Variants in PLD5 observed in about 807,000 individuals in gnomAD.
PLD5 encodes the protein phospholipase D family member 5.
PLD5 carries 36 observed loss-of-function variants against 61.1 expected under a neutral mutation model. The ratio of observed to expected loss-of-function variants is 0.59; its 90% CI spans 0.45 to 0.78. The LOEUF is 0.78. PLD5 is among the 30% of genes least tolerant of loss of function. The pLI, the probability that PLD5 is intolerant of heterozygous loss-of-function variation, is 0.00. For synonymous variants in PLD5, 243 were observed against 242.8 expected (o/e 1.00, Z -0.01); for missense variants, 515 against 644.4 (o/e 0.80, Z 2.17).
chr1:242,327,285 G>A (rs1177302331), intron 2 of PLD5, among the ~76,000 whole-genome samples: 1 of 152,114 alleles, frequency 6.6e-6, no homozygotes, highest in Admixed American at 6.5e-5. Context: ...GGGCTTGCAG[G>A]CATGAGCCAC....
chr1:242,312,409 GCTT>G (rs1334427162), intron 2 of PLD5, among the ~76,000 whole-genome samples: 2 of 151,920 alleles, frequency 1.3e-5, no homozygotes, highest in Admixed American at 6.6e-5. Context: ...CTGTGTGCAC[GCTT>G]TTTTCTGATT....
At chr1:242,255,557 C>T (rs568187823) in intron 4 of PLD5, among the ~76,000 whole-genome samples, 2 of 152,164 alleles carry the variant, frequency 1.3e-5, no homozygotes, top group African/African-American at 4.8e-5. Context: ...TGTAAATAAC[C>T]TGCACGTTGT....
At chr1:242,463,686 C>G (rs1036701793) in intron 1 of PLD5, among the ~76,000 whole-genome samples, 1 of 152,052 alleles carries the variant, frequency 6.6e-6, no homozygotes, top group Non-Finnish European at 1.5e-5. Context: ...ACACTCCCAT[C>G]TCAAGGCAGT....
At chr1:242,091,836 T>C (rs1054051091) in intron 9 of PLD5, among the ~76,000 whole-genome samples, 10 of 150,462 alleles carry the variant, frequency 6.6e-5, no homozygotes, top group Non-Finnish European at 1.5e-4. Flanking sequence ...TTTTTTCTTT[T>C]TTTTTTTTTT....
chr1:242,180,985 A>AAAGC (rs1553317470), intron 5 of PLD5, among the ~76,000 whole-genome samples: 72 of 152,074 alleles, frequency 4.7e-4, no homozygotes, highest in African/African-American at 1.5e-3. Context: ...TAGGTCTCAA[A>AAAGC]AAACAAACAA....
intron 5 of PLD5, among the ~76,000 whole-genome samples, chr1:242,215,816 A>T (rs531480902): frequency 5.7e-4 from 87 of 152,350 alleles, no homozygotes; most frequent in African/African-American, 2.0e-3. Flanking sequence ...CCTGCTCTGG[A>T]CACAGACACC....
chr1:242,509,880 G>T (rs889657327), intron 1 of PLD5, among the ~76,000 whole-genome samples: 1 of 152,048 alleles, frequency 6.6e-6, no homozygotes. Context: ...TGGAGAAAAA[G>T]CATCTTGAAA....
rs1675150910 is a variant in PLD5 at position 242,288,343 on chromosome 1, C to T, written c.495+19G>A. The T allele has an allele frequency of 7.5e-6, 12 of 1,605,554 alleles. No individual in the cohort carries two copies. Among genetic ancestry groups the T allele is most frequent in the Non-Finnish European group, 9.3e-6 (11 of 1,178,074 alleles). On this transcript the variant is annotated intron_variant, in intron 3 of 9. Coordinates refer to ENST00000536534, the MANE Select transcript of PLD5 (RefSeq NM_001372062.1). ...TGCACATAAGTAAAATCATCACACA[C>T]ACAGAGGATGTAGCTTACCTGACAT...
At chr1:242,395,925 G>A (rs1572060599) in intron 1 of PLD5, among the ~76,000 whole-genome samples, 1 of 152,250 alleles carries the variant, frequency 6.6e-6, no homozygotes, top group East Asian at 1.9e-4. Flanking sequence ...GCAGGTGCCT[G>A]TAATCCCACC....
At chr1:242,174,934 C>G (rs1037053735) in intron 5 of PLD5, among the ~76,000 whole-genome samples, 2 of 152,046 alleles carry the variant, frequency 1.3e-5, no homozygotes, top group East Asian at 3.8e-4. Context: ...GGAGATATAC[C>G]TAATGTAAAT....
At chr1:242,524,023 C>A in intron 1 of PLD5, 65 bp downstream of exon 1, 1 of 1,462,414 alleles carries the variant, frequency 6.8e-7, no homozygotes, top group Non-Finnish European at 9.0e-7. Flanking sequence ...GCTCATGCCA[C>A]CACCACGGGG....
intron 7 of PLD5, among the ~76,000 whole-genome samples, chr1:242,112,146 C>T (rs913644749): frequency 1.5e-4 from 23 of 151,930 alleles, no homozygotes; most frequent in Non-Finnish European, 2.6e-4. Flanking sequence ...CGTTTTGAAA[C>T]GTTCCCAAAG....
chr1:242,332,972 G>A (rs1659277872), intron 2 of PLD5, among the ~76,000 whole-genome samples: 1 of 152,182 alleles, frequency 6.6e-6, no homozygotes, highest in South Asian at 2.1e-4. Context: ...TCCTGCAGGA[G>A]GGGTTGCCTC....
At chr1:242,367,635 G>C (rs1478227370) in intron 1 of PLD5, among the ~76,000 whole-genome samples, 1 of 152,112 alleles carries the variant, frequency 6.6e-6, no homozygotes, top group Non-Finnish European at 1.5e-5. Flanking sequence ...CTCATCCAGA[G>C]ACATGCAAAT....
chr1:242,308,288 T>C (rs1676491325), intron 2 of PLD5, among the ~76,000 whole-genome samples: 2 of 152,132 alleles, frequency 1.3e-5, no homozygotes, highest in Non-Finnish European at 1.5e-5. Context: ...TCATAAGATA[T>C]AATTAGAATC....
intron 6 of PLD5, among the ~76,000 whole-genome samples, chr1:242,119,172 A>G (rs1277757841): frequency 1.3e-5 from 2 of 152,212 alleles, no homozygotes; most frequent in Non-Finnish European, 2.9e-5. Context: ...CACCATATGA[A>G]TGTAATTTAT....
chr1:242,246,547 C>A (rs1317934792), intron 4 of PLD5, among the ~76,000 whole-genome samples: 1 of 149,704 alleles, frequency 6.7e-6, no homozygotes, highest in Non-Finnish European at 1.5e-5. Flanking sequence ...TCTCATCACT[C>A]AAAGGTAACC....
chr1:242,210,666 G>C (rs1277424101), intron 5 of PLD5: 1 of 151,908 alleles, frequency 6.6e-6, no homozygotes, highest in Non-Finnish European at 1.5e-5. Context: ...AGCACCTTGT[G>C]ACCCCCACTC....
At chr1:242,111,488 T>C (rs1328736946) in intron 7 of PLD5, among the ~76,000 whole-genome samples, 1 of 152,226 alleles carries the variant, frequency 6.6e-6, no homozygotes, top group Non-Finnish European at 1.5e-5. Flanking sequence ...TTTTACACGC[T>C]GTTAATCATT....
Sources: gnomAD v4.1 joint callset for allele counts (sites outside exome capture counted in the v4.1 genomes callset) on GRCh38, gnomAD v4.1.1 for gene constraint, MANE v1.5 for transcripts, NCBI Gene and HGNC (gene_info 2026-07-23, HGNC 2026-07-21) for gene names.